The following TSPEAR variants were observed in gnomAD, a reference collection of about 807,000 sequenced individuals.
TSPEAR encodes the protein thrombospondin-type laminin G domain and EAR repeat-containing protein.
TSPEAR carries 69 observed loss-of-function variants against 71.6 expected under a neutral mutation model. That is an observed-to-expected ratio of 0.96 (90% CI 0.79 to 1.18). The LOEUF (loss-of-function observed/expected upper bound fraction) is 1.18, where lower values mean the gene tolerates loss of function less well. TSPEAR is among the 50% of genes most tolerant of loss of function. TSPEAR has a pLI of 0.00. For missense variants in TSPEAR, 971 were observed against 894.9 expected (o/e 1.09, Z -1.09); for synonymous variants, 402 against 387.2 (o/e 1.04, Z -0.45).
At chr21:44,661,335 A>T (rs1555943564) in intron 1 of TSPEAR, among the ~76,000 whole-genome samples, 1 of 152,156 alleles carries the variant, frequency 6.6e-6, no homozygotes, top group African/African-American at 2.4e-5. Context: ...CCAGAGCAAA[A>T]ATAGTGACAG....
chr21:44,624,497 G>A (rs1415385691), intron 1 of TSPEAR, among the ~76,000 whole-genome samples: 1 of 152,174 alleles, frequency 6.6e-6, no homozygotes, highest in African/African-American at 2.4e-5. Flanking sequence ...TTGAGCCTCT[G>A]TTGATGCTGC....
chr21:44,650,552 G>C (rs587618463), intron 1 of TSPEAR, among the ~76,000 whole-genome samples: 79 of 152,354 alleles, frequency 5.2e-4, no homozygotes, highest in Middle Eastern at 3.4e-3. Flanking sequence ...AAACAGGACA[G>C]AGTCATCCCC....
At chr21:44,561,475 G>T (rs233255) in intron 2 of TSPEAR, among the ~76,000 whole-genome samples, 3 of 152,172 alleles carry the variant, frequency 2.0e-5, no homozygotes, top group African/African-American at 7.2e-5. Context: ...CTCCCTAACT[G>T]ATTTTATGAG....
At chr21:44,534,823 C>T (rs1555916203) in intron 2 of TSPEAR, among the ~76,000 whole-genome samples, 2 of 152,212 alleles carry the variant, frequency 1.3e-5, no homozygotes, top group African/African-American at 4.8e-5. Context: ...TACTTGTACA[C>T]ACATGTTCAT....
At chr21:44,587,756 C>G (rs1979433189) in intron 1 of TSPEAR, among the ~76,000 whole-genome samples, 1 of 152,050 alleles carries the variant, frequency 6.6e-6, no homozygotes, top group Admixed American at 6.6e-5. Context: ...ACAAAGCAAA[C>G]AAAAACATAA....
intron 1 of TSPEAR, chr21:44,574,597 G>A: frequency 1.5e-6 from 2 of 1,302,770 alleles, no homozygotes; most frequent in East Asian, 3.1e-5. Flanking sequence ...AAGCCTGTGT[G>A]CTGCAAGCCT....
At chr21:44,558,186 C>G in intron 2 of TSPEAR, 1 of 1,546,828 alleles carries the variant, frequency 6.5e-7, no homozygotes. Context: ...AGGGGCACAG[C>G]AGGAGGGGAT....
chr21:44,665,850 C>T (rs1258888862), intron 1 of TSPEAR, among the ~76,000 whole-genome samples: 1 of 152,224 alleles, frequency 6.6e-6, no homozygotes, highest in Non-Finnish European at 1.5e-5. Context: ...ACAGGACGTC[C>T]ACCAACCACA....
intron 9 of TSPEAR, among the ~76,000 whole-genome samples, chr21:44,511,590 G>A (rs1044946821): frequency 1.3e-4 from 19 of 151,994 alleles, no homozygotes; most frequent in African/African-American, 4.3e-4. Context: ...CCATGCATCC[G>A]CCTGCATGAC....
chr21:44,604,475 C>T (rs1214595002), intron 1 of TSPEAR, among the ~76,000 whole-genome samples: 1 of 152,028 alleles, frequency 6.6e-6, no homozygotes, highest in Non-Finnish European at 1.5e-5. Context: ...TAGGGGTGAA[C>T]CCTAGACTTA....
chr21:44,622,871 T>C (rs1555933729), intron 1 of TSPEAR, among the ~76,000 whole-genome samples: 1 of 152,210 alleles, frequency 6.6e-6, no homozygotes, highest in African/African-American at 2.4e-5. Context: ...GGGAGCTATT[T>C]GACTCATGGG....
intron 1 of TSPEAR, among the ~76,000 whole-genome samples, chr21:44,679,826 A>T (rs1367626379): frequency 6.6e-6 from 1 of 152,212 alleles, no homozygotes; most frequent in African/African-American, 2.4e-5. Flanking sequence ...GGAAAACTGG[A>T]TAGCCACATG....
intron 1 of TSPEAR, among the ~76,000 whole-genome samples, chr21:44,588,324 G>T (rs1239644373): frequency 6.6e-6 from 1 of 152,062 alleles, no homozygotes; most frequent in Non-Finnish European, 1.5e-5. Flanking sequence ...AACCACAATG[G>T]GATACCACCT....
At position 44,654,967 on chromosome 21, in the gene TSPEAR, G is replaced by A. The variant is rs1355720753; in HGVS notation, c.82+56466C>T. On this transcript the variant is annotated intron_variant, in intron 1 of 11. Coordinates refer to ENST00000323084, the MANE Select transcript of TSPEAR (RefSeq NM_144991.3). ...TAAATGCCATCTGGAGCTCACACAA[G>A]CACAGTCACACTCACTACACCAGGG... is the stretch of plus-strand genomic sequence containing the variant. Among the ~76,000 whole-genome samples the A allele has an allele frequency of 2.6e-5, 4 of 152,140 alleles. No individual in the cohort carries two copies. The East Asian group carries it at 7.7e-4, about 29-fold the overall frequency.
At chr21:44,551,957 C>A (rs587689533) in intron 2 of TSPEAR, among the ~76,000 whole-genome samples, 1 of 152,282 alleles carries the variant, frequency 6.6e-6, no homozygotes, top group East Asian at 1.9e-4. Flanking sequence ...TTGAGGACAG[C>A]GCTTCCTGGC....
chr21:44,674,774 GTGTGTGTGTGTA>G (rs1427726001), intron 1 of TSPEAR, among the ~76,000 whole-genome samples: 5 of 141,396 alleles, frequency 3.5e-5, no homozygotes, highest in African/African-American at 1.1e-4. Flanking sequence ...GTGTGTGTGT[GTGTGTGTGTGTA>G]TAACATTACC....
rs141929687 is a variant in TSPEAR at position 44,540,236 on chromosome 21, G to GTGAC, written c.304-6314_304-6313insGTCA. 1.0e-3 allele frequency: 1,552 copies of GTGAC among 1,559,024 alleles called. 25 individuals are homozygous for GTGAC. The East Asian group carries it at 0.028, about 28-fold the overall frequency. On this transcript the variant is annotated intron_variant, in intron 2 of 11. Coordinates refer to ENST00000323084, the MANE Select transcript of TSPEAR (RefSeq NM_144991.3). ...TGTGTGTGAGTGACTGAGTGTGTGA[G>GTGAC]TGAGTGTGTGAGCTTCGTGGGGCTC...
intron 1 of TSPEAR, among the ~76,000 whole-genome samples, chr21:44,672,576 A>AC (rs1986112248): frequency 3.3e-5 from 1 of 30,272 alleles, no homozygotes; most frequent in South Asian, 1.2e-3. Context: ...TCTCAAAACA[A>AC]AAAAAAAAGA....
At chr21:44,514,115 G>A (rs1396850804) in intron 9 of TSPEAR, among the ~76,000 whole-genome samples, 2 of 152,210 alleles carry the variant, frequency 1.3e-5, no homozygotes, top group East Asian at 1.9e-4. Context: ...CCACCTTCCT[G>A]GAGCCCTCCC....
Sources: gnomAD v4.1 joint callset for allele counts (sites outside exome capture counted in the v4.1 genomes callset) on GRCh38, gnomAD v4.1.1 for gene constraint, MANE v1.5 for transcripts, NCBI Gene and HGNC (gene_info 2026-07-23, HGNC 2026-07-21) for gene names.